EXT1: variants seen among roughly 807,000 people sequenced by gnomAD.
The protein encoded by EXT1 is exostosin-1.
A neutral mutation model predicts 82.5 loss-of-function variants in EXT1; 20 were observed. The ratio of observed to expected loss-of-function variants is 0.24; its 90% CI spans 0.17 to 0.35. EXT1 has a LOEUF of 0.35. Among genes scored for constraint, EXT1 ranks in the 10% least tolerant of loss-of-function variants. The pLI, the probability that EXT1 is intolerant of heterozygous loss-of-function variation, is 1.00. For synonymous variants in EXT1, 348 were observed against 350.8 expected (o/e 0.99, Z 0.09); for missense variants, 757 against 936.5 (o/e 0.81, Z 2.50).
rs188845052 is a variant in EXT1 at position 118,100,263 on chromosome 8, G to A, written c.962+9822C>T. On this transcript the variant is annotated intron_variant, in intron 1 of 10. Transcript: ENST00000378204. ...ATTGTGGTGGGTCCTGAGAACTTAC[G>A]AGAGCAGTTTCAGTTCAGTTTCTGC... Among the ~76,000 whole-genome samples, 35 of 152,218 alleles carry A rather than the reference G, an allele frequency of 2.3e-4. 1 individual carries two copies. Among genetic ancestry groups the A allele is most frequent in the African/African-American group, 7.2e-4 (30 of 41,526 alleles).
At chr8:117,943,431 T>C (rs1814325543) in intron 1 of EXT1, among the ~76,000 whole-genome samples, 3 of 152,168 alleles carry the variant, frequency 2.0e-5, no homozygotes, top group South Asian at 2.1e-4. Flanking sequence ...TGATAAATTA[T>C]AGTATATTTA....
intron 1 of EXT1, among the ~76,000 whole-genome samples, chr8:118,012,047 G>A (rs1431008125): frequency 6.6e-6 from 1 of 152,218 alleles, no homozygotes; most frequent in Non-Finnish European, 1.5e-5. Context: ...CTCAGATCCA[G>A]TGCTCCCTTT....
At chr8:117,992,818 G>A (rs1314305341) in intron 1 of EXT1, among the ~76,000 whole-genome samples, 3 of 152,202 alleles carry the variant, frequency 2.0e-5, no homozygotes, top group Non-Finnish European at 4.4e-5. Context: ...GGAACAGACA[G>A]CTGTAGACCC....
At chr8:117,968,937 C>A (rs1414236738) in intron 1 of EXT1, among the ~76,000 whole-genome samples, 1 of 152,170 alleles carries the variant, frequency 6.6e-6, no homozygotes, top group Non-Finnish European at 1.5e-5. Flanking sequence ...TCTGTCTCTT[C>A]CTGATGTCCA....
intron 1 of EXT1, among the ~76,000 whole-genome samples, chr8:117,852,867 G>C (rs1398032700): frequency 1.3e-5 from 2 of 152,182 alleles, no homozygotes; most frequent in South Asian, 4.1e-4. Flanking sequence ...GGAATTCACT[G>C]TCTTGCGTAG....
At chr8:117,896,109 C>T (rs904514674) in intron 1 of EXT1, among the ~76,000 whole-genome samples, 3 of 152,218 alleles carry the variant, frequency 2.0e-5, no homozygotes, top group African/African-American at 4.8e-5. Context: ...TCTACCTACA[C>T]AGAAAACACA....
At chr8:118,050,750 T>C (rs1392144930) in intron 1 of EXT1, among the ~76,000 whole-genome samples, 1 of 152,194 alleles carries the variant, frequency 6.6e-6, no homozygotes, top group Non-Finnish European at 1.5e-5. Flanking sequence ...CACTTAAAAA[T>C]GTGAAAGCCA....
rs566136221 is a variant in EXT1, at chr8:117,905,744, G to A, written c.963-68543C>T. On this transcript the variant is annotated intron_variant, in intron 1 of 10. Transcript: ENST00000378204. The stretch of plus-strand genomic sequence containing the variant: ...GGACAATGGCGTGAACCCGGGAGGC[G>A]GAGCTTGCAGTGAGCCGAGATCGCG... Among the ~76,000 whole-genome samples, 14 of 152,282 alleles carry A rather than the reference G, an allele frequency of 9.2e-5. No homozygotes were observed. In the East Asian group the frequency reaches 1.7e-3, roughly 19 times the overall value.
In EXT1 at chr8:117,807,273, T is replaced by C. The variant is rs1365970339; in HGVS notation, c.1827A>G (p.Thr609=). 1.2e-5 allele frequency: 20 copies of C among 1,614,218 alleles called. No homozygotes were observed. The highest frequency in any genetic ancestry group is 1.5e-5 in the Non-Finnish European group (18 of 1,180,030). The change falls in exon 9 of 11, where the codon ACA becomes ACG. Residue 609 remains threonine (T), a synonymous_variant. Coordinates refer to ENST00000378204, the MANE Select transcript of EXT1 (RefSeq NM_000127.3). ...WDNSKERWGY[T]SKWTNDYSMV... is the part of the protein sequence containing the mutation. ...TGGAGTAGTCGTTCGTCCACTTTGA[T>C]GTGTATCCCCACCGCTCCTTAGAGT...
At chr8:117,986,732 A>G (rs1815329510) in intron 1 of EXT1, among the ~76,000 whole-genome samples, 1 of 152,180 alleles carries the variant, frequency 6.6e-6, no homozygotes, top group South Asian at 2.1e-4. Flanking sequence ...TTCTTATTTA[A>G]CAGCCTGTAA....
intron 1 of EXT1, among the ~76,000 whole-genome samples, chr8:118,015,721 T>C (rs1175075709): frequency 6.6e-6 from 1 of 152,136 alleles, no homozygotes; most frequent in African/African-American, 2.4e-5. Context: ...ATATGCCAAA[T>C]TCCTAAACCC....
chr8:117,835,832 C>T (rs748258046), intron 2 of EXT1, among the ~76,000 whole-genome samples: 16 of 152,204 alleles, frequency 1.1e-4, no homozygotes, highest in Admixed American at 2.0e-4. Context: ...TCCATAGAGA[C>T]GACTGGCCTT....
intron 1 of EXT1, among the ~76,000 whole-genome samples, chr8:117,857,537 G>A (rs940618181): frequency 1.9e-4 from 15 of 77,116 alleles, no homozygotes; most frequent in Middle Eastern, 5.0e-3. Flanking sequence ...ACTTCCCCCC[G>A]CCAAAAAAAA....
rs890016786 is a variant in EXT1, at chr8:117,798,540, A to G, written c.*1172T>C. 1 of 152,236 alleles carries G rather than the reference A, an allele frequency of 6.6e-6. No homozygotes were observed. The highest frequency in any genetic ancestry group is 6.5e-5 in the Admixed American group (1 of 15,282). 9.4% of individuals were successfully genotyped at this position (152,236 alleles called of 1,614,324 possible). A position where few individuals can be genotyped will look rare whatever the true frequency, so the allele number is the denominator to read the frequency against. On this transcript the variant is annotated 3_prime_UTR_variant, in exon 11 of 11. Transcript: ENST00000378204. ...CAGATTTAAAAATTAAAAGTAAATG[A>G]AACTATATTCACATTTGTTGTTGAT...
chr8:117,811,618 ATTTT>A (rs111956885), intron 8 of EXT1, among the ~76,000 whole-genome samples: 1 of 143,050 alleles, frequency 7.0e-6, no homozygotes, highest in Non-Finnish European at 1.5e-5. Flanking sequence ...CATCTATGGA[ATTTT>A]TTTTTTTTTT....
chr8:118,101,406 T>C (rs1441203933), intron 1 of EXT1, among the ~76,000 whole-genome samples: 1 of 144,122 alleles, frequency 6.9e-6, no homozygotes, highest in Non-Finnish European at 1.5e-5. Flanking sequence ...AGTGCCTCCT[T>C]TACACTTAAA....
intron 1 of EXT1, among the ~76,000 whole-genome samples, chr8:118,093,171 T>C (rs1288519645): frequency 6.9e-6 from 1 of 144,172 alleles, no homozygotes; most frequent in Non-Finnish European, 1.5e-5. Context: ...AAGGAGAGGA[T>C]ACACTCCCCC....
chr8:117,804,729 A>G lies in EXT1; in HGVS notation c.2048T>C (p.Met683Thr), dbSNP rs1823212515. The G allele has an allele frequency of 6.2e-7, 1 of 1,613,958 alleles. No individual in the cohort carries two copies. The highest frequency in any genetic ancestry group is 1.3e-5 in the African/African-American group (1 of 74,924). The change falls in exon 10 of 11, where the codon ATG (methionine) becomes ACG (threonine). Residue 683 changes from methionine (M) to threonine (T), a missense_variant. By Grantham distance (81) the Met-to-Thr change is moderately conservative. This residue lies in a region of EXT1 where 128 missense variants were observed against 223.2 expected (regional missense o/e 0.57). Coordinates refer to ENST00000378204, the MANE Select transcript of EXT1 (RefSeq NM_000127.3). ...TQKKQYKETM[M>T]GQTSRASRWA... is the part of the protein sequence containing the mutation. The stretch of plus-strand genomic sequence containing the variant: ...GGGCTCTTCTATACTTACCTGTCCC[A>G]TCATTGTCTCCTTATACTGCTTCTT...
chr8:118,080,731 T>C (rs899785793), intron 1 of EXT1, among the ~76,000 whole-genome samples: 1 of 152,212 alleles, frequency 6.6e-6, no homozygotes, highest in Admixed American at 6.5e-5. Flanking sequence ...TTTTTAAGTA[T>C]ATAGATAAAA....
Sources: allele counts gnomAD v4.1 joint callset (sites outside exome capture counted in the v4.1 genomes callset), GRCh38; gene constraint gnomAD v4.1.1; regional missense constraint gnomAD v4.1.1; transcripts MANE v1.5; gene names NCBI Gene and HGNC (gene_info 2026-07-23, HGNC 2026-07-21).